Variants in GALNT17 observed in about 807,000 individuals in gnomAD.
GALNT17 encodes polypeptide N-acetylgalactosaminyltransferase 17.
Under a neutral mutation model 63.7 loss-of-function variants are expected in GALNT17, and 29 were observed. That is an observed-to-expected ratio of 0.46 (90% confidence interval 0.34 to 0.62). The LOEUF is 0.62. GALNT17 is among the 20% of genes least tolerant of loss of function. GALNT17 has a pLI of 0.01. For synonymous variants in GALNT17, 305 were observed against 318.3 expected (o/e 0.96, Z 0.45); for missense variants, 603 against 799.6 (o/e 0.75, Z 2.97).
intron 1 of GALNT17, among the ~76,000 whole-genome samples, chr7:71,328,559 A>C (rs1791744358): frequency 6.6e-6 from 1 of 152,120 alleles, no homozygotes; most frequent in African/African-American, 2.4e-5. Context: ...GTTAAGACCA[A>C]CTTGAGTTCG....
Position 71,277,223 on chromosome 7 carries a change from GAACT to G in GALNT17, c.239-58322_239-58319del, listed in dbSNP as rs145688971. 0.012 allele frequency among the ~76,000 whole-genome samples: 1,898 copies of G among 152,204 alleles called. 97 individuals are homozygous for G. In the East Asian group the frequency reaches 0.13, roughly 10 times the overall value. On this transcript the variant is annotated intron_variant, in intron 1 of 10. Transcript: ENST00000333538. ...AGAGCTGGAGACTGTTGTCCTAAGT[GAACT>G]AACTGAGAAACAGAAAACCAAATCC...
At chr7:71,486,304 G>C (rs1325757015) in intron 5 of GALNT17, among the ~76,000 whole-genome samples, 1 of 150,276 alleles carries the variant, frequency 6.7e-6, no homozygotes, top group Non-Finnish European at 1.5e-5. Flanking sequence ...TGCACTCCCA[G>C]CCTGAGTGAC....
At chr7:71,698,137 AAAAAG>A (rs1562740796) in intron 9 of GALNT17, among the ~76,000 whole-genome samples, 2 of 151,218 alleles carry the variant, frequency 1.3e-5, no homozygotes. Context: ...AAAAAAAAAA[AAAAAG>A]AAAAGAAAAG....
chr7:71,313,250 A>G (rs1474210407), intron 1 of GALNT17, among the ~76,000 whole-genome samples: 2 of 152,220 alleles, frequency 1.3e-5, no homozygotes, highest in Admixed American at 1.3e-4. Flanking sequence ...CAATTCTCTG[A>G]ATCATTGCAA....
rs546612831 is a variant in GALNT17 at position 71,505,821 on chromosome 7, G to T, written c.963-65464G>T. On this transcript the variant is annotated intron_variant, in intron 5 of 10. Coordinates refer to ENST00000333538, the MANE Select transcript of GALNT17 (RefSeq NM_022479.3). ...CCCCTCAGAGAACTTATTTAAAAAGGTGAGAACAGAAAGAGAAGTAATTAC... is the reference window on the plus strand; with the variant it reads ...CCCCTCAGAGAACTTATTTAAAAAGTTGAGAACAGAAAGAGAAGTAATTAC... Among the ~76,000 whole-genome samples the T allele has an allele frequency of 1.1e-3, 169 of 152,294 alleles. No individual in the cohort carries two copies. The South Asian group carries it at 0.015, about 13-fold the overall frequency.
At chr7:71,417,316 C>A (rs1786553535) in intron 4 of GALNT17, among the ~76,000 whole-genome samples, 4 of 152,110 alleles carry the variant, frequency 2.6e-5, no homozygotes, top group Admixed American at 2.6e-4. Flanking sequence ...CGTAAGAAAC[C>A]CAGGGCCACT....
intron 5 of GALNT17, among the ~76,000 whole-genome samples, chr7:71,547,104 GCCTCAGCCTCC>G (rs1236759845): frequency 1.3e-5 from 2 of 151,672 alleles, no homozygotes; most frequent in Non-Finnish European, 2.9e-5. Flanking sequence ...TGATTCTCGT[GCCTCAGCCTCC>G]TGAGTAGCTG....
At chr7:71,240,277 A>G (rs2116465532) in intron 1 of GALNT17, among the ~76,000 whole-genome samples, 1 of 152,206 alleles carries the variant, frequency 6.6e-6, no homozygotes, top group East Asian at 1.9e-4. Flanking sequence ...GTTGTTTTTA[A>G]TTTCAGTTTT....
intron 5 of GALNT17, among the ~76,000 whole-genome samples, chr7:71,503,204 G>A (rs118028170): frequency 0.013 from 1,912 of 152,160 alleles, 20 homozygotes; most frequent in Middle Eastern, 0.02. Context: ...TTCCCTACAC[G>A]ATCACATGTC....
intron 5 of GALNT17, among the ~76,000 whole-genome samples, chr7:71,451,771 T>G (rs1459589381): frequency 6.6e-6 from 1 of 152,206 alleles, no homozygotes; most frequent in Non-Finnish European, 1.5e-5. Context: ...CTAGATAGTG[T>G]TTAATTCCAG....
At chr7:71,237,261 T>C (rs2116459067) in intron 1 of GALNT17, among the ~76,000 whole-genome samples, 1 of 151,888 alleles carries the variant, frequency 6.6e-6, no homozygotes, top group Non-Finnish European at 1.5e-5. Context: ...ATTTGTTGAC[T>C]GTTTACTGTA....
intron 1 of GALNT17, among the ~76,000 whole-genome samples, chr7:71,245,757 G>T (rs556235761): frequency 5.3e-5 from 8 of 151,948 alleles, no homozygotes; most frequent in Admixed American, 3.3e-4. Flanking sequence ...CTTTTAAAGA[G>T]GAGCACAGAG....
intron 6 of GALNT17, among the ~76,000 whole-genome samples, chr7:71,634,930 C>T (rs749585939): frequency 5.3e-5 from 8 of 151,794 alleles, no homozygotes; most frequent in South Asian, 2.1e-4. Flanking sequence ...GAATGCCAGC[C>T]GGGCATGGTG....
intron 8 of GALNT17, among the ~76,000 whole-genome samples, chr7:71,675,340 A>G (rs1246805637): frequency 6.6e-6 from 1 of 152,198 alleles, no homozygotes; most frequent in African/African-American, 2.4e-5. Flanking sequence ...TTCAATAAAT[A>G]TTTATTAAAT....
At chr7:71,542,087 G>T (rs1200421820) in intron 5 of GALNT17, among the ~76,000 whole-genome samples, 1 of 152,166 alleles carries the variant, frequency 6.6e-6, no homozygotes, top group African/African-American at 2.4e-5. Flanking sequence ...TTACAGCAGG[G>T]GAACCGGATC....
chr7:71,364,354 C>T (rs138208580), intron 2 of GALNT17, among the ~76,000 whole-genome samples: 1 of 152,246 alleles, frequency 6.6e-6, no homozygotes, highest in East Asian at 1.9e-4. Flanking sequence ...CTCTGAGTGT[C>T]CTGGATGGAG....
At position 71,512,091 on chromosome 7, in the gene GALNT17, C is replaced by T. The variant is rs116827099; in HGVS notation, c.963-59194C>T. ...TGTACTGACTCACTGCAACATCCTC[C>T]TCCCAGGTGTAAGCGATTCTCCCGC... On this transcript the variant is annotated intron_variant, in intron 5 of 10. Transcript: ENST00000333538. Among the ~76,000 whole-genome samples the T allele has an allele frequency of 9.3e-3, 1,405 of 150,532 alleles. 25 individuals carry two copies. Among genetic ancestry groups the T allele is most frequent in the African/African-American group, 0.032 (1,303 of 40,796 alleles).
intron 6 of GALNT17, among the ~76,000 whole-genome samples, chr7:71,605,819 C>T (rs550663775): frequency 6.6e-6 from 1 of 152,150 alleles, no homozygotes; most frequent in Non-Finnish European, 1.5e-5. Flanking sequence ...AAGGCTTGAT[C>T]TAGCCCTAAC....
chr7:71,338,306 G>A (rs988260078), intron 2 of GALNT17, among the ~76,000 whole-genome samples: 2 of 151,232 alleles, frequency 1.3e-5, no homozygotes, highest in Admixed American at 6.6e-5. Flanking sequence ...CTGCCTGGGC[G>A]AAAGAGCGAG....
Sources: allele counts gnomAD v4.1 joint callset (sites outside exome capture counted in the v4.1 genomes callset), GRCh38; gene constraint gnomAD v4.1.1; transcripts MANE v1.5; gene names NCBI Gene and HGNC (gene_info 2026-07-23, HGNC 2026-07-21).